CFAP299: variants seen among roughly 807,000 people sequenced by gnomAD.
The protein encoded by CFAP299 is cilia and flagella associated protein 299, also known as cilia- and flagella-associated protein 299.
CFAP299 carries 21 observed loss-of-function variants against 27.0 expected under a neutral mutation model. The ratio of observed to expected loss-of-function variants is 0.78; its 90% confidence interval spans 0.55 to 1.12. The LOEUF is 1.12. Among genes scored for constraint, CFAP299 ranks in the 50% most tolerant of loss-of-function variants. The pLI is 0.00. For synonymous variants in CFAP299, 104 were observed against 98.1 expected (o/e 1.06, Z -0.36); for missense variants, 310 against 276.6 (o/e 1.12, Z -0.86).
chr4:80,387,917 T>C (rs1725106556), intron 2 of CFAP299: 1 of 870,330 alleles, frequency 1.1e-6, no homozygotes, highest in African/African-American at 1.7e-5. Context: ...GCACTGGTCA[T>C]GGGGCAGCAG....
intron 1 of CFAP299, among the ~76,000 whole-genome samples, chr4:80,358,144 G>A (rs1723363464): frequency 6.6e-6 from 1 of 151,920 alleles, no homozygotes; most frequent in Admixed American, 6.6e-5. Flanking sequence ...GTAATTTATG[G>A]TTTTGATTGA....
In CFAP299 at chr4:80,467,504, A is replaced by G. The variant is rs142413541; in HGVS notation, c.242+104620A>G. On this transcript the variant is annotated intron_variant, in intron 2 of 5. Transcript: ENST00000358105. ...TATTGTAAACTCACCCGCCTCCTCAATCTTTTCAAAGAAAGAGTTCCTTAA... is the reference window on the plus strand; with the variant it reads ...TATTGTAAACTCACCCGCCTCCTCAGTCTTTTCAAAGAAAGAGTTCCTTAA... 3.1e-3 allele frequency among the ~76,000 whole-genome samples: 466 copies of G among 152,236 alleles called. 3 individuals carry two copies. The highest frequency in any genetic ancestry group is 0.011 in the African/African-American group (443 of 41,534).
intron 3 of CFAP299, among the ~76,000 whole-genome samples, chr4:80,725,111 A>ATT (rs70956062): frequency 0.055 from 4,865 of 88,398 alleles, 353 homozygotes; most frequent in East Asian, 0.13. Flanking sequence ...TGCCTGGCCA[A>ATT]TTTTTTTTTT....
chr4:80,524,459 C>T (rs1160763284), intron 2 of CFAP299, among the ~76,000 whole-genome samples: 3 of 151,780 alleles, frequency 2.0e-5, no homozygotes, highest in Non-Finnish European at 4.4e-5. Context: ...CCAGTAGTAA[C>T]TTCTGGTTAT....
chr4:80,953,299 G>A (rs1392052502), intron 5 of CFAP299, among the ~76,000 whole-genome samples: 1 of 152,108 alleles, frequency 6.6e-6, no homozygotes, highest in Non-Finnish European at 1.5e-5. Flanking sequence ...CACAGTCACA[G>A]TTATTAAGTA....
In CFAP299 at chr4:80,782,738, C is replaced by T. The variant is rs7678846; in HGVS notation, c.334-87255C>T. On this transcript the variant is annotated intron_variant, in intron 3 of 5. Coordinates refer to ENST00000358105, the MANE Select transcript of CFAP299 (RefSeq NM_152770.3). ...CATATATGAATATATAATATATTCA[C>T]ATATGGCATACATATATGAATATAT... is the stretch of plus-strand genomic sequence containing the variant. Among the ~76,000 whole-genome samples the T allele has an allele frequency of 6.4e-3, 699 of 109,006 alleles. 23 individuals carry two copies. The highest frequency in any genetic ancestry group is 0.021 in the African/African-American group (662 of 31,536). The allele number at this position is 109,006 out of a possible 152,430, so 71.5% of individuals were successfully genotyped here.
intron 3 of CFAP299, among the ~76,000 whole-genome samples, chr4:80,676,648 G>C (rs1044538914): frequency 1.3e-5 from 2 of 151,756 alleles, no homozygotes; most frequent in African/African-American, 4.8e-5. Context: ...TTGGTTTGTT[G>C]ATGTTTTCTA....
At chr4:80,370,011 G>T (rs1254568115) in intron 2 of CFAP299, among the ~76,000 whole-genome samples, 1 of 152,150 alleles carries the variant, frequency 6.6e-6, no homozygotes, top group Non-Finnish European at 1.5e-5. Flanking sequence ...AAGAAAAGAG[G>T]TTTAATTGGT....
intron 3 of CFAP299, among the ~76,000 whole-genome samples, chr4:80,660,646 C>T (rs1184055337): frequency 6.6e-6 from 1 of 152,138 alleles, no homozygotes; most frequent in African/African-American, 2.4e-5. Context: ...TCTAGGATAA[C>T]ATCTGGATTT....
intron 3 of CFAP299, among the ~76,000 whole-genome samples, chr4:80,811,235 A>C (rs1365889237): frequency 6.6e-6 from 1 of 152,156 alleles, no homozygotes; most frequent in Non-Finnish European, 1.5e-5. Context: ...CAAGAAGCAT[A>C]TGTACCCAAT....
At chr4:80,492,674 A>T (rs781669889) in intron 2 of CFAP299, among the ~76,000 whole-genome samples, 5 of 152,196 alleles carry the variant, frequency 3.3e-5, no homozygotes, top group Admixed American at 6.5e-5. Flanking sequence ...TATTATTATT[A>T]AGGTATGGTG....
chr4:80,338,092 C>CCT (rs138044489), intron 1 of CFAP299, among the ~76,000 whole-genome samples: 2 of 150,976 alleles, frequency 1.3e-5, no homozygotes, highest in Admixed American at 6.6e-5. Flanking sequence ...TTGTGCTTTT[C>CCT]CTCTCTCTCT....
intron 3 of CFAP299, among the ~76,000 whole-genome samples, chr4:80,842,236 A>G (rs1730901411): frequency 6.6e-6 from 1 of 152,148 alleles, no homozygotes; most frequent in Non-Finnish European, 1.5e-5. Flanking sequence ...ACCATCTTCT[A>G]CAGGTGAACT....
At chr4:80,351,421 A>G (rs1560525261) in intron 1 of CFAP299, among the ~76,000 whole-genome samples, 1 of 152,196 alleles carries the variant, frequency 6.6e-6, no homozygotes, top group Non-Finnish European at 1.5e-5. Context: ...TGAAAGTAGA[A>G]TGTAATAAGC....
chr4:80,860,864 G>C (rs1732294728), intron 3 of CFAP299, among the ~76,000 whole-genome samples: 1 of 152,158 alleles, frequency 6.6e-6, no homozygotes, highest in South Asian at 2.1e-4. Flanking sequence ...CAGGGGTCAG[G>C]GACCCACTTG....
At chr4:80,469,880 C>T (rs1420487718) in intron 2 of CFAP299, among the ~76,000 whole-genome samples, 1 of 151,906 alleles carries the variant, frequency 6.6e-6, no homozygotes, top group East Asian at 1.9e-4. Context: ...AAAAAATTAC[C>T]TTATGAGTCC....
intron 2 of CFAP299, among the ~76,000 whole-genome samples, chr4:80,497,673 C>T (rs754154286): frequency 2.8e-4 from 42 of 152,018 alleles, no homozygotes; most frequent in Middle Eastern, 3.4e-3. Flanking sequence ...CAGATCATAC[C>T]ATACATTCCA....
chr4:80,827,216 G>A lies in CFAP299; in HGVS notation c.334-42777G>A, dbSNP rs78303175. ...AACTTCTTTAAATGCCCTCACTTTA[G>A]GAGTCTATTATTAATCAGATACCAA... On this transcript the variant is annotated intron_variant, in intron 3 of 5. Coordinates refer to ENST00000358105, the MANE Select transcript of CFAP299 (RefSeq NM_152770.3). Among the ~76,000 whole-genome samples, 48 of 151,806 alleles carry A rather than the reference G, an allele frequency of 3.2e-4. No homozygotes were observed. In the East Asian group the frequency reaches 8.7e-3, roughly 27 times the overall value.
intron 3 of CFAP299, among the ~76,000 whole-genome samples, chr4:80,694,621 T>C (rs1019412292): frequency 9.2e-5 from 14 of 152,214 alleles, no homozygotes; most frequent in Admixed American, 8.5e-4. Flanking sequence ...TGGTATTTAA[T>C]TGATATCTTG....
Sources: gnomAD v4.1 joint callset for allele counts (sites outside exome capture counted in the v4.1 genomes callset) on GRCh38, gnomAD v4.1.1 for gene constraint, MANE v1.5 for transcripts, NCBI Gene and HGNC (gene_info 2026-07-23, HGNC 2026-07-21) for gene names.